PPARGC1A: variants seen among roughly 807,000 people sequenced by gnomAD.
The protein encoded by PPARGC1A is PPARG coactivator 1 alpha.
PPARGC1A carries 25 observed loss-of-function variants against 88.7 expected under a neutral mutation model. The observed-to-expected ratio is 0.28, with a 90% CI of 0.21 to 0.39. The LOEUF (loss-of-function observed/expected upper bound fraction) is 0.39, where lower values mean the gene tolerates loss of function less well. PPARGC1A is among the 10% of genes least tolerant of loss of function. The pLI, the probability that PPARGC1A is intolerant of heterozygous loss-of-function variation, is 1.00. For synonymous variants in PPARGC1A, 363 were observed against 355.6 expected, an observed-to-expected ratio of 1.02 and a Z score of -0.24; for missense variants, 880 against 968.7, an observed-to-expected ratio of 0.91 and a Z score of 1.22.
At chr4:23,949,860 T>G in the PPARGC1A span, among the ~76,000 whole-genome samples, 1 of 152,192 alleles carries the variant, frequency 6.6e-6, no homozygotes, top group Non-Finnish European at 1.5e-5. Flanking sequence ...TTTTTCACTT[T>G]GCAGCTACCC....
chr4:24,011,980 C>A, the PPARGC1A span, among the ~76,000 whole-genome samples: 2 of 152,022 alleles, frequency 1.3e-5, no homozygotes, highest in African/African-American at 4.8e-5. Context: ...AAAATGCAAC[C>A]CAGCAAAAGG....
chr4:23,907,759 T>C (rs143108775), upstream of PPARGC1A, among the ~76,000 whole-genome samples: 38 of 152,340 alleles, frequency 2.5e-4, no homozygotes, highest in African/African-American at 8.9e-4. Flanking sequence ...TTCAGTTAGC[T>C]TTCTGTTCTC....
the PPARGC1A span, among the ~76,000 whole-genome samples, chr4:24,307,141 T>G: frequency 6.6e-6 from 1 of 152,156 alleles, no homozygotes; most frequent in Non-Finnish European, 1.5e-5. Context: ...GCTCCCCTTT[T>G]ATGGGCTATG....
intron 12 of PPARGC1A, among the ~76,000 whole-genome samples, chr4:23,799,940 C>T (rs1270843248): frequency 6.6e-6 from 1 of 152,196 alleles, no homozygotes; most frequent in Non-Finnish European, 1.5e-5. Flanking sequence ...TATCAGCCAA[C>T]ATTTGAACAA....
chr4:24,167,562 T>C, the PPARGC1A span, among the ~76,000 whole-genome samples: 3 of 152,176 alleles, frequency 2.0e-5, no homozygotes, highest in South Asian at 2.1e-4. Context: ...GAAGAATCAA[T>C]TGATGAGGCA....
the PPARGC1A span, among the ~76,000 whole-genome samples, chr4:24,337,551 C>A: frequency 1.3e-5 from 2 of 152,118 alleles, no homozygotes; most frequent in African/African-American, 4.8e-5. Context: ...GGAGCCCCTA[C>A]TGAGCGTGGG....
the PPARGC1A span, among the ~76,000 whole-genome samples, chr4:23,967,963 G>A: frequency 2.6e-5 from 4 of 152,308 alleles, no homozygotes; most frequent in Non-Finnish European, 4.4e-5. Context: ...GAGAGTCCAA[G>A]AGGTGAAGGG....
At chr4:24,163,126 G>C in the PPARGC1A span, among the ~76,000 whole-genome samples, 3 of 148,940 alleles carry the variant, frequency 2.0e-5, no homozygotes, top group African/African-American at 7.5e-5. Context: ...AAAAATACAG[G>C]ATCTGATGAT....
At chr4:24,335,330 A>G in the PPARGC1A span, among the ~76,000 whole-genome samples, 1 of 152,236 alleles carries the variant, frequency 6.6e-6, no homozygotes, top group African/African-American at 2.4e-5. Context: ...GGCGATGTTT[A>G]TCAGGTCCTT....
At chr4:23,822,749 C>T (rs552056719) in intron 7 of PPARGC1A, among the ~76,000 whole-genome samples, 10 of 152,062 alleles carry the variant, frequency 6.6e-5, no homozygotes, top group Non-Finnish European at 1.5e-4. Context: ...ATGTTATTCT[C>T]CAGGAAGGTT....
At chr4:24,095,940 C>A in the PPARGC1A span, among the ~76,000 whole-genome samples, 1 of 152,144 alleles carries the variant, frequency 6.6e-6, no homozygotes, top group African/African-American at 2.4e-5. Flanking sequence ...TTAGTACTAT[C>A]ATGTTAACCA....
chr4:24,365,183 T>C, the PPARGC1A span, among the ~76,000 whole-genome samples: 1 of 151,208 alleles, frequency 6.6e-6, no homozygotes, highest in African/African-American at 2.4e-5. Flanking sequence ...ATTAATGGAT[T>C]GATTTCAAGT....
the PPARGC1A span, among the ~76,000 whole-genome samples, chr4:24,114,987 G>A: frequency 1.3e-5 from 2 of 152,042 alleles, no homozygotes; most frequent in African/African-American, 2.4e-5. Flanking sequence ...CACTATGCTT[G>A]CGACAAAGAA....
the PPARGC1A span, among the ~76,000 whole-genome samples, chr4:24,002,359 C>T: frequency 6.6e-6 from 1 of 152,070 alleles, no homozygotes; most frequent in Non-Finnish European, 1.5e-5. Flanking sequence ...ATCTCCTGAC[C>T]TCGAGATCTG....
At chr4:23,815,125 GAA>G (rs5856793) in intron 7 of PPARGC1A, among the ~76,000 whole-genome samples, 132 of 121,272 alleles carry the variant, frequency 1.1e-3, no homozygotes, top group South Asian at 1.9e-3. Flanking sequence ...CAACTTAGAA[GAA>G]AAAAAAAAAA....
At chr4:24,144,355 G>A in the PPARGC1A span, among the ~76,000 whole-genome samples, 2 of 152,102 alleles carry the variant, frequency 1.3e-5, no homozygotes, top group African/African-American at 4.8e-5. Flanking sequence ...GTGACCTAAG[G>A]AAAACTCTGA....
chr4:23,881,732 T>C (rs917692651), intron 2 of PPARGC1A: 4 of 152,170 alleles, frequency 2.6e-5, no homozygotes, highest in Admixed American at 1.3e-4. Flanking sequence ...ATAATGCTTG[T>C]TATTGTCAGA....
At chr4:24,222,948 C>T in the PPARGC1A span, among the ~76,000 whole-genome samples, 1 of 151,996 alleles carries the variant, frequency 6.6e-6, no homozygotes, top group African/African-American at 2.4e-5. Context: ...TAAAAATTAG[C>T]AAAAGAAACA....
the PPARGC1A span, among the ~76,000 whole-genome samples, chr4:24,305,374 G>A: frequency 2.6e-4 from 40 of 151,986 alleles, no homozygotes; most frequent in African/African-American, 9.2e-4. Context: ...CACTATCTGT[G>A]TGACTTTGGG....
Sources: gnomAD v4.1 joint callset for allele counts (sites outside exome capture counted in the v4.1 genomes callset) on GRCh38, gnomAD v4.1.1 for gene constraint, MANE v1.5 for transcripts, NCBI Gene and HGNC (gene_info 2026-07-23, HGNC 2026-07-21) for gene names.